Variants in ADD1 observed in about 807,000 individuals in gnomAD.
ADD1 encodes the protein alpha-adducin.
Under a neutral mutation model 80.5 loss-of-function variants are expected in ADD1, and 24 were observed. The ratio of observed to expected loss-of-function variants is 0.30; its 90% CI spans 0.22 to 0.42. The LOEUF (loss-of-function observed/expected upper bound fraction) is 0.42. ADD1 is among the 10% of genes least tolerant of loss of function. ADD1 has a pLI of 1.00. For missense variants in ADD1, 948 were observed against 1,019.0 expected (o/e 0.93, Z 0.95); for synonymous variants, 373 against 393.8 (o/e 0.95, Z 0.63).
intron 4 of ADD1, among the ~76,000 whole-genome samples, chr4:2,890,966 C>T (rs912125145): frequency 2.6e-5 from 4 of 152,054 alleles, no homozygotes; most frequent in Admixed American, 1.3e-4. Flanking sequence ...TAGACAACTG[C>T]TTACTTTTGT....
At chr4:2,897,825 A>G (rs939408475) in intron 6 of ADD1, among the ~76,000 whole-genome samples, 7 of 152,126 alleles carry the variant, frequency 4.6e-5, no homozygotes, top group African/African-American at 1.4e-4. Context: ...CCTGATGGGA[A>G]GCCTTCTTTT....
chr4:2,879,952 T>A (rs1354157129), intron 2 of ADD1, among the ~76,000 whole-genome samples: 1 of 152,186 alleles, frequency 6.6e-6, no homozygotes, highest in Non-Finnish European at 1.5e-5. Flanking sequence ...TGACCTCAAG[T>A]GATCCGCCTC....
chr4:2,901,850 C>A (rs1254821033), intron 9 of ADD1: 2 of 35,962 alleles, frequency 5.6e-5, no homozygotes, highest in Non-Finnish European at 1.1e-4. Context: ...GCTAAATTGT[C>A]CCCCCCCCAA....
Position 2,926,751 on chromosome 4 carries a change from T to TATA in ADD1, c.2047+640_2047+641insTAA, listed in dbSNP as rs1174867016. 1 of 1,487,986 alleles carries TATA rather than the reference T, an allele frequency of 6.7e-7. No homozygotes were observed. The highest frequency in any genetic ancestry group is 9.2e-7 in the Non-Finnish European group (1 of 1,082,528). The allele number at this position is 1,487,986 out of a possible 1,614,324, so 92.2% of individuals were successfully genotyped here. A position where few individuals can be genotyped will look rare whatever the true frequency, so the allele number is the denominator to read the frequency against. On this transcript the variant is annotated intron_variant, in intron 15 of 15. Coordinates refer to ENST00000683351, the MANE Select transcript of ADD1 (RefSeq NM_001354761.2). This position sits in a 1 kb window ranked among gnomAD's most constrained non-coding sequence, Gnocchi z 5.0. The stretch of plus-strand genomic sequence containing the variant: ...ATTCTCCTGCTTCTTTGTTGTTTAT[T>TATA]AAGTTTTGTTTTCTGTTTATTTAAA...
At chr4:2,862,651 C>A (rs1728975647) in intron 1 of ADD1, among the ~76,000 whole-genome samples, 2 of 152,166 alleles carry the variant, frequency 1.3e-5, no homozygotes, top group African/African-American at 4.8e-5. Flanking sequence ...TGGGAGCTTT[C>A]CTTTGCTCTT....
At chr4:2,893,708 G>A (rs1381153926) in intron 4 of ADD1, among the ~76,000 whole-genome samples, 1 of 152,160 alleles carries the variant, frequency 6.6e-6, no homozygotes, top group African/African-American at 2.4e-5. Context: ...CCACCAGAAA[G>A]TGTGACAGAG....
At chr4:2,865,579 C>G (rs1729429699) in intron 1 of ADD1, among the ~76,000 whole-genome samples, 1 of 152,182 alleles carries the variant, frequency 6.6e-6, no homozygotes, top group East Asian at 1.9e-4. Context: ...CAACTAGGAA[C>G]TTTTAGTTGT....
intron 4 of ADD1, among the ~76,000 whole-genome samples, chr4:2,890,150 T>C (rs1183961357): frequency 6.7e-6 from 1 of 149,162 alleles, no homozygotes; most frequent in Admixed American, 6.7e-5. Context: ...GCTGAAATTG[T>C]GCCACTGCAC....
rs547556363 is a variant in ADD1 at position 2,858,535 on chromosome 4, G to A, written c.-21+14511G>A. 2.0e-5 allele frequency among the ~76,000 whole-genome samples: 3 copies of A among 152,330 alleles called. No homozygotes were observed. In the South Asian group the frequency reaches 6.2e-4, roughly 32 times the overall value. ...ATTAATCAGCATTGCAAGGCTGGTG[G>A]AATTTTGATAAACACCCAAACCAGA... On this transcript the variant is annotated intron_variant, in intron 1 of 15. Coordinates refer to ENST00000683351, the MANE Select transcript of ADD1 (RefSeq NM_001354761.2).
At chr4:2,846,816 TAAAAAAA>T (rs761045902) in intron 1 of ADD1, among the ~76,000 whole-genome samples, 1 of 117,618 alleles carries the variant, frequency 8.5e-6, no homozygotes, top group South Asian at 2.8e-4. Flanking sequence ...TCTGTCTCTT[TAAAAAAA>T]AAAAAAAAAA....
At chr4:2,856,141 C>G (rs1280966670) in intron 1 of ADD1, among the ~76,000 whole-genome samples, 1 of 152,036 alleles carries the variant, frequency 6.6e-6, no homozygotes, top group Non-Finnish European at 1.5e-5. Flanking sequence ...ATCCTCCCAC[C>G]TCAGCCTTCC....
chr4:2,926,731 CCTG>C lies in ADD1; in HGVS notation c.2047+622_2047+624del. 6.4e-7 allele frequency: 1 copy of C among 1,553,184 alleles called. No homozygotes were observed. Among genetic ancestry groups the C allele is most frequent in the Non-Finnish European group, 8.8e-7 (1 of 1,131,656 alleles). On this transcript the variant is annotated intron_variant, in intron 15 of 15. Transcript: ENST00000683351. This position sits in a 1 kb window ranked among gnomAD's most constrained non-coding sequence, Gnocchi z 5.0. ...GGTGCCCTGCGCTTTGCCTCATTCT[CCTG>C]CTTCTTTGTTGTTTATTAAGTTTTG...
intron 9 of ADD1, among the ~76,000 whole-genome samples, chr4:2,904,225 C>A (rs946831367): frequency 2.0e-5 from 3 of 152,108 alleles, no homozygotes; most frequent in Admixed American, 2.0e-4. Context: ...CCCTGTATAA[C>A]CAGCAGTCAA....
At chr4:2,878,955 T>C (rs920729170) in intron 2 of ADD1, among the ~76,000 whole-genome samples, 3 of 151,968 alleles carry the variant, frequency 2.0e-5, no homozygotes, top group African/African-American at 7.3e-5. Flanking sequence ...GAGGGGGTGG[T>C]TGCAGGGCAC....
Position 2,880,697 on chromosome 4 carries a change from G to A in ADD1, c.196-1201G>A, listed in dbSNP as rs186207655. Among the ~76,000 whole-genome samples the A allele has an allele frequency of 5.8e-3, 886 of 151,724 alleles. 5 individuals carry two copies. The highest frequency in any genetic ancestry group is 0.02 in the African/African-American group (833 of 41,418). On this transcript the variant is annotated intron_variant, in intron 2 of 15. Coordinates refer to ENST00000683351, the MANE Select transcript of ADD1 (RefSeq NM_001354761.2). ...TCACCATGTTAGCCAGGATGGTCTC[G>A]ATCTCCTGACCTCGTGATCCGCCCG...
chr4:2,865,926 T>C (rs960444646), intron 1 of ADD1, among the ~76,000 whole-genome samples: 1 of 152,222 alleles, frequency 6.6e-6, no homozygotes, highest in African/African-American at 2.4e-5. Flanking sequence ...TTCTGCTTTT[T>C]CCCACATGTA....
intron 1 of ADD1, among the ~76,000 whole-genome samples, chr4:2,868,466 T>C (rs889910670): frequency 6.6e-6 from 1 of 152,216 alleles, no homozygotes; most frequent in Non-Finnish European, 1.5e-5. Context: ...ATCTTGTTAC[T>C]CTTTCCAGCG....
At chr4:2,844,078 G>A (rs962560111) in intron 1 of ADD1, 54 bp downstream of exon 1, 7 of 146,154 alleles carry the variant, frequency 4.8e-5, no homozygotes, top group Non-Finnish European at 7.5e-5. Flanking sequence ...AGGCGGCGGC[G>A]GGGGCGCGGG....
Position 2,894,576 on chromosome 4 carries a change from T to A in ADD1, c.592-6T>A. 1 of 1,580,362 alleles carries A rather than the reference T, an allele frequency of 6.3e-7. No individual in the cohort carries two copies. Among genetic ancestry groups the A allele is most frequent in the Non-Finnish European group, 8.5e-7 (1 of 1,170,330 alleles). ...GTATTTTACATTTTTATTTTTTTAT[T>A]TTCAGGTTAAGATCAATCTACAAGG... is the stretch of plus-strand genomic sequence containing the variant. On this transcript the variant is annotated splice_region_variant and splice_polypyrimidine_tract_variant and intron_variant, in intron 5 of 15. Transcript: ENST00000683351.
Sources: allele counts gnomAD v4.1 joint callset (sites outside exome capture counted in the v4.1 genomes callset), GRCh38; gene constraint gnomAD v4.1.1; non-coding constraint Gnocchi (gnomAD v3.1); transcripts MANE v1.5; gene names NCBI Gene and HGNC (gene_info 2026-07-23, HGNC 2026-07-21).